Variants in KLHL1 observed in about 807,000 individuals in gnomAD.
The protein encoded by KLHL1 is kelch-like protein 1.
A neutral mutation model predicts 77.7 loss-of-function variants in KLHL1; 47 were observed. That is an observed-to-expected ratio of 0.60 (90% CI 0.48 to 0.77). The LOEUF (loss-of-function observed/expected upper bound fraction) is 0.77, where lower values mean the gene tolerates loss of function less well. KLHL1 is among the 30% of genes least tolerant of loss of function. KLHL1 has a pLI of 0.00. For missense variants in KLHL1, 925 were observed against 910.8 expected (o/e 1.02, Z -0.20); for synonymous variants, 360 against 325.2 (o/e 1.11, Z -1.15).
chr13:69,737,476 T>C (rs1873810061), intron 8 of KLHL1, among the ~76,000 whole-genome samples: 1 of 152,130 alleles, frequency 6.6e-6, no homozygotes, highest in Admixed American at 6.5e-5. Context: ...AGAGACTGCC[T>C]AAGAAGATGG....
At chr13:70,094,418 T>TATATATATATA (rs1887741628) in intron 1 of KLHL1, among the ~76,000 whole-genome samples, 2 of 150,602 alleles carry the variant, frequency 1.3e-5, no homozygotes, top group Non-Finnish European at 1.5e-5. Context: ...TATGAATATA[T>TATATATATATA]TGGCTCAATC....
chr13:69,757,015 T>C (rs974114311), intron 7 of KLHL1, among the ~76,000 whole-genome samples: 3 of 152,190 alleles, frequency 2.0e-5, no homozygotes, highest in Admixed American at 2.0e-4. Flanking sequence ...ATTTTCTTGG[T>C]ATTCAGTTAA....
At chr13:69,885,791 A>G (rs1881193534) in intron 4 of KLHL1, among the ~76,000 whole-genome samples, 1 of 152,194 alleles carries the variant, frequency 6.6e-6, no homozygotes, top group African/African-American at 2.4e-5. Context: ...GGATTTGAAT[A>G]AAAAAGCTCG....
At chr13:69,860,094 T>C (rs1297256208) in intron 5 of KLHL1, among the ~76,000 whole-genome samples, 1 of 152,122 alleles carries the variant, frequency 6.6e-6, no homozygotes, top group Non-Finnish European at 1.5e-5. Context: ...ATGTGTGATA[T>C]AAATTTTGAC....
At chr13:69,779,437 C>T (rs903607262) in intron 7 of KLHL1, among the ~76,000 whole-genome samples, 2 of 140,008 alleles carry the variant, frequency 1.4e-5, no homozygotes, top group Non-Finnish European at 3.0e-5. Context: ...TCTTTCCTTT[C>T]TCCTTCTTTC....
chr13:70,096,897 G>C (rs1446271007), intron 1 of KLHL1, among the ~76,000 whole-genome samples: 1 of 151,814 alleles, frequency 6.6e-6, no homozygotes, highest in Non-Finnish European at 1.5e-5. Flanking sequence ...CCAACAGAAG[G>C]CTCCTAGAAA....
intron 4 of KLHL1, among the ~76,000 whole-genome samples, chr13:69,928,859 A>T (rs1318942655): frequency 6.6e-6 from 1 of 152,114 alleles, no homozygotes; most frequent in East Asian, 1.9e-4. Flanking sequence ...CTCTGAAAAT[A>T]CTAAAAGGCA....
intron 5 of KLHL1, among the ~76,000 whole-genome samples, chr13:69,863,521 C>T (rs1326002618): frequency 6.6e-6 from 1 of 151,272 alleles, no homozygotes; most frequent in Admixed American, 6.6e-5. Context: ...TTGCATTTTT[C>T]ATGATTGGTA....
At chr13:69,993,984 A>G (rs191741542) in intron 1 of KLHL1, among the ~76,000 whole-genome samples, 8 of 152,204 alleles carry the variant, frequency 5.3e-5, no homozygotes, top group African/African-American at 1.9e-4. Flanking sequence ...CATTAACTAG[A>G]TGTTTAAAAA....
At position 69,971,870 on chromosome 13, in the gene KLHL1, T is replaced by C. The variant is rs548796292; in HGVS notation, c.680+3750A>G. On this transcript the variant is annotated intron_variant, in intron 2 of 10. Coordinates refer to ENST00000377844, the MANE Select transcript of KLHL1 (RefSeq NM_020866.3). ...CCAATGCTAGAGTATGTTTGATAATTGTTTGTTTTAATTAGTGCAAAGAAA... is the reference window on the plus strand; with the variant it reads ...CCAATGCTAGAGTATGTTTGATAATCGTTTGTTTTAATTAGTGCAAAGAAA... Among the ~76,000 whole-genome samples, 25 of 152,188 alleles carry C rather than the reference T, an allele frequency of 1.6e-4. No individual in the cohort carries two copies. The South Asian group carries it at 5.2e-3, about 32-fold the overall frequency.
chr13:70,018,296 A>G (rs139854908), intron 1 of KLHL1, among the ~76,000 whole-genome samples: 1 of 152,302 alleles, frequency 6.6e-6, no homozygotes, highest in African/African-American at 2.4e-5. Context: ...GGAAGATAAA[A>G]TAAATTGTCC....
intron 1 of KLHL1, among the ~76,000 whole-genome samples, chr13:70,079,194 T>C (rs1204169319): frequency 6.6e-6 from 1 of 152,164 alleles, no homozygotes; most frequent in Non-Finnish European, 1.5e-5. Context: ...TCAGTAATTT[T>C]TTTTTCCAGA....
intron 1 of KLHL1, among the ~76,000 whole-genome samples, chr13:70,058,425 A>G (rs1886799536): frequency 6.6e-6 from 1 of 152,194 alleles, no homozygotes; most frequent in Non-Finnish European, 1.5e-5. Context: ...GCATTTATGT[A>G]TGCCAAGAGT....
chr13:70,033,952 C>T (rs1886180604), intron 1 of KLHL1, among the ~76,000 whole-genome samples: 1 of 152,062 alleles, frequency 6.6e-6, no homozygotes, highest in Admixed American at 6.6e-5. Context: ...TCCTTAAGCC[C>T]TAATACGGAC....
chr13:69,975,948 CAATA>C, intron 1 of KLHL1, 146 bp from the exon 2 acceptor site: 1 of 1,045,586 alleles, frequency 9.6e-7, no homozygotes. Flanking sequence ...AATACAACTT[CAATA>C]AATAAAAGTC....
chr13:70,093,220 A>G (rs1887709741), intron 1 of KLHL1, among the ~76,000 whole-genome samples: 1 of 152,142 alleles, frequency 6.6e-6, no homozygotes. Flanking sequence ...GGAAGGCAAT[A>G]AAGGCAAGAT....
At chr13:69,883,455 A>C (rs1425084428) in intron 4 of KLHL1, among the ~76,000 whole-genome samples, 1 of 152,162 alleles carries the variant, frequency 6.6e-6, no homozygotes, top group East Asian at 1.9e-4. Context: ...TGGCTCCTCA[A>C]GTTTCTACTG....
intron 6 of KLHL1, among the ~76,000 whole-genome samples, chr13:69,809,574 T>C (rs1877774282): frequency 6.6e-6 from 1 of 151,876 alleles, no homozygotes; most frequent in South Asian, 2.1e-4. Context: ...GACATGGAAA[T>C]GAAAGGATTA....
At chr13:69,945,652 C>CA (rs1566431531) in intron 3 of KLHL1, among the ~76,000 whole-genome samples, 1 of 151,924 alleles carries the variant, frequency 6.6e-6, no homozygotes, top group Non-Finnish European at 1.5e-5. Context: ...AATATATGAA[C>CA]AAAAAATGCT....
Sources: gnomAD v4.1 joint callset for allele counts (sites outside exome capture counted in the v4.1 genomes callset) on GRCh38, gnomAD v4.1.1 for gene constraint, MANE v1.5 for transcripts, NCBI Gene and HGNC (gene_info 2026-07-23, HGNC 2026-07-21) for gene names.